Variants in HERC2 observed in about 807,000 individuals in gnomAD.
HERC2 encodes the protein E3 ubiquitin-protein ligase HERC2.
HERC2 carries 102 observed loss-of-function variants against 537.7 expected under a neutral mutation model. That is an observed-to-expected ratio of 0.19 (90% CI 0.16 to 0.22). The LOEUF is 0.22. Among genes scored for constraint, HERC2 ranks in the 10% least tolerant of loss-of-function variants. The pLI is 1.00. For synonymous variants in HERC2, 2,224 were observed against 2,466.2 expected (o/e 0.90, Z 2.91); for missense variants, 4,236 against 6,198.2 (o/e 0.68, Z 10.63).
chr15:28,261,786 C>T (rs774413201), intron 15 of HERC2, among the ~76,000 whole-genome samples: 2 of 152,102 alleles, frequency 1.3e-5, no homozygotes, highest in Non-Finnish European at 2.9e-5. Flanking sequence ...ACCATATGGG[C>T]GCACAAAACT....
chr15:28,294,787 C>G (rs2076416411), intron 3 of HERC2, among the ~76,000 whole-genome samples: 1 of 152,012 alleles, frequency 6.6e-6, no homozygotes, highest in African/African-American at 2.4e-5. Flanking sequence ...TCCCCCACCC[C>G]CAGGGCTGTG....
At chr15:28,157,996 C>T (rs960292367) in intron 69 of HERC2, among the ~76,000 whole-genome samples, 1 of 152,058 alleles carries the variant, frequency 6.6e-6, no homozygotes, top group African/African-American at 2.4e-5. Context: ...GTTATGTACC[C>T]ACTAGTCATT....
In HERC2 at chr15:28,202,544, T is replaced by C. The variant is rs1256611090; in HGVS notation, c.7283A>G (p.Asp2428Gly). ...STHPSSPGFE[D>G]CSSSEATTPV... is the part of the protein sequence containing the mutation. ...CGTGGTGGCCTCACTGGAGCTGCAG[T>C]CTTCAAATCCTGGGCTCGAAGGGTG... Residue 2428 changes from aspartate to glycine, a missense_variant, in exon 46 of 93, where the codon GAC (aspartate) becomes GGC (glycine). By Grantham distance (94) the Asp-to-Gly change is moderately conservative. This residue lies in a region of HERC2 where 35 missense variants were observed against 68.7 expected (regional missense o/e 0.51). Coordinates refer to ENST00000261609, the MANE Select transcript of HERC2 (RefSeq NM_004667.6). 4.3e-6 allele frequency: 4 copies of C among 935,666 alleles called. No homozygotes were observed. In the East Asian group the frequency reaches 7.9e-5, roughly 19 times the overall value. The allele number at this position is 935,666 out of a possible 1,614,324, so 58.0% of individuals were successfully genotyped here.
rs762765814 is a variant in HERC2, at chr15:28,113,105, A to G, written c.14198T>C (p.Ile4733Thr). 6.2e-7 allele frequency: 1 copy of G among 1,613,706 alleles called. No individual in the cohort carries two copies. Among genetic ancestry groups the G allele is most frequent in the Non-Finnish European group, 8.5e-7 (1 of 1,179,996 alleles). Residue 4733 changes from isoleucine to threonine, a missense_variant, in exon 92 of 93, where the codon ATC becomes ACC. Physicochemically the swap from Ile to Thr is moderately conservative, Grantham distance 89. Coordinates refer to ENST00000261609, the MANE Select transcript of HERC2 (RefSeq NM_004667.6). This position sits in a 1 kb window ranked among gnomAD's most constrained non-coding sequence, Gnocchi z 7.0. ...GAAGTCTCGGCCCCGGAAGTCGGCG[A>G]TGGTCCTGGGCAGCCTCGTCCGGCC... ...VWGRTRLPRT[I>T]ADFRGRDFVI...
chr15:28,291,737 C>T (rs193272953), intron 4 of HERC2, among the ~76,000 whole-genome samples: 1 of 151,460 alleles, frequency 6.6e-6, no homozygotes, highest in African/African-American at 2.4e-5. Context: ...AAAACAAAAA[C>T]CTCAATTAAA....
In HERC2 at chr15:28,233,298, G is replaced by A. The variant is rs776790450; in HGVS notation, c.4523C>T (p.Pro1508Leu). The change falls in exon 30 of 93, where the codon CCT (proline) becomes CTT (leucine). Residue 1508 changes from proline (P) to leucine (L), a missense_variant. Physicochemically the swap from Pro to Leu is moderately conservative, Grantham distance 98. Around this residue, in one of 27 missense-constraint regions of HERC2, gnomAD observed 94 missense variants for 174.9 expected, o/e 0.54. Transcript: ENST00000261609. ...GAGGAATCTCAAACGTTCGATGACA[G>A]GAGCGCAGACCTCCTTGTAAGAACG... ...QGRSYKEVCA[P>L]VIERLRFLFN... is the part of the protein sequence containing the mutation. The A allele has an allele frequency of 6.5e-7, 1 of 1,543,364 alleles. No homozygotes were observed. The highest frequency in any genetic ancestry group is 1.7e-5 in the Admixed American group (1 of 59,842).
intron 69 of HERC2, among the ~76,000 whole-genome samples, chr15:28,162,810 G>T (rs1180603203): frequency 6.6e-6 from 1 of 152,206 alleles, no homozygotes; most frequent in African/African-American, 2.4e-5. Context: ...AGAATGGTGT[G>T]AACCCAGGAG....
intron 30 of HERC2, 54 bp downstream of exon 30, chr15:28,233,092 T>C (rs1314550597): frequency 2.9e-6 from 4 of 1,364,926 alleles, no homozygotes; most frequent in Non-Finnish European, 4.1e-6. Flanking sequence ...AGATCCAATG[T>C]GGCAGGGTGA....
Position 28,146,284 on chromosome 15 carries a change from G to A in HERC2, c.10961C>T (p.Pro3654Leu). ...RQCSTERRHD[P>L]LTVMDGVNRI... is the part of the protein sequence containing the mutation. Reference sequence around the variant, plus strand: ...GTTGACGCCGTCCATGACTGTGAGAGGGTCGTGGCGCCTCTCTGTGGAGCA... The same window carrying A: ...GTTGACGCCGTCCATGACTGTGAGAAGGTCGTGGCGCCTCTCTGTGGAGCA... The change falls in exon 71 of 93, where the codon CCT becomes CTT. Residue 3654 changes from proline to leucine, a missense_variant. Physicochemically the swap from Pro to Leu is moderately conservative, Grantham distance 98. This residue lies in a region of HERC2 where 356 missense variants were observed against 450.9 expected (regional missense o/e 0.79). Transcript: ENST00000261609. 4 of 1,614,084 alleles carry A rather than the reference G, an allele frequency of 2.5e-6. No homozygotes were observed. The highest frequency in any genetic ancestry group is 3.4e-6 in the Non-Finnish European group (4 of 1,180,014).
Position 28,265,430 on chromosome 15 carries a change from C to T in HERC2, c.1870+188G>A, listed in dbSNP as rs1434959773. 6.6e-6 allele frequency among the ~76,000 whole-genome samples: 1 copy of T among 152,174 alleles called. No individual in the cohort carries two copies. Among genetic ancestry groups the T allele is most frequent in the Non-Finnish European group, 1.5e-5 (1 of 68,030 alleles). ...AGGAACGGCGGCAGCTGCTAACCAG[C>T]TGAGAGGCCTCAGGCAAACAAGCCC... On this transcript the variant is annotated intron_variant, in intron 14 of 92. Transcript: ENST00000261609. The surrounding 1 kb of genome is among the most constrained non-coding windows in gnomAD (Gnocchi z 4.0).
rs879821625 is a variant in HERC2 at position 28,122,520 on chromosome 15, T to C, written c.13189-1091A>G. Among the ~76,000 whole-genome samples the C allele has an allele frequency of 1.3e-5, 2 of 152,126 alleles. No homozygotes were observed. Among genetic ancestry groups the C allele is most frequent in the East Asian group, 1.9e-4 (1 of 5,164 alleles). ...GTATCCTGGCGGCACCCCAGCCCCATGCCTCTCGCACAGCCCAGACTCATC... is the reference window on the plus strand; with the variant it reads ...GTATCCTGGCGGCACCCCAGCCCCACGCCTCTCGCACAGCCCAGACTCATC... On this transcript the variant is annotated intron_variant, in intron 85 of 92. Transcript: ENST00000261609. The surrounding 1 kb of genome is among the most constrained non-coding windows in gnomAD (Gnocchi z 4.1).
chr15:28,290,713 G>A (rs997978554), intron 4 of HERC2, among the ~76,000 whole-genome samples: 9 of 152,126 alleles, frequency 5.9e-5, no homozygotes, highest in East Asian at 1.9e-4. Flanking sequence ...AATAATAAGC[G>A]GGTAAAAGAA....
Position 28,257,185 on chromosome 15 carries a change from G to C in HERC2, c.2393C>G (p.Thr798Ser). ...AAGCAGGAGATCCAGCTGCTCAAAA[G>C]TCATTGAGCAGATGTCCACCACAAA... ...VPFVVDICSMTFEQLDLLLRQ... is the reference protein window; with the variant it reads ...VPFVVDICSMSFEQLDLLLRQ... The change falls in exon 17 of 93, where the codon ACT (threonine) becomes AGT (serine). Residue 798 changes from threonine (T) to serine (S), a missense_variant. Physicochemically the swap from Thr to Ser is moderately conservative, Grantham distance 58. This residue lies in a region of HERC2 where 754 missense variants were observed against 1,085.0 expected (regional missense o/e 0.69). Transcript: ENST00000261609. The C allele has an allele frequency of 6.2e-7, 1 of 1,613,770 alleles. No individual in the cohort carries two copies. Among genetic ancestry groups the C allele is most frequent in the Non-Finnish European group, 8.5e-7 (1 of 1,179,724 alleles).
chr15:28,111,565 C>T lies in HERC2; in HGVS notation c.*198G>A, dbSNP rs182874358. ...GAGAAGACCCTTGGAAGTCGAGCGT[C>T]CACAGTGTTCCACGCGCACAGGCGG... On this transcript the variant is annotated 3_prime_UTR_variant, in exon 93 of 93. Coordinates refer to ENST00000261609, the MANE Select transcript of HERC2 (RefSeq NM_004667.6). The T allele has an allele frequency of 1.7e-6, 1 of 603,224 alleles. No homozygotes were observed. Among genetic ancestry groups the T allele is most frequent in the Admixed American group, 3.0e-5 (1 of 33,132 alleles). 37.4% of individuals were successfully genotyped at this position (603,224 alleles called of 1,614,324 possible). A position where few individuals can be genotyped will look rare whatever the true frequency, so the allele number is the denominator to read the frequency against.
At chr15:28,136,986 C>A (rs1282806789) in intron 78 of HERC2, among the ~76,000 whole-genome samples, 2 of 150,912 alleles carry the variant, frequency 1.3e-5, no homozygotes. Flanking sequence ...CAAAGATGTG[C>A]AACATTTAGC....
Position 28,280,360 on chromosome 15 carries a change from G to A in HERC2, c.323-73C>T, listed in dbSNP as rs2075990400. 1.9e-5 allele frequency: 24 copies of A among 1,234,156 alleles called. No homozygotes were observed. In the South Asian group the frequency reaches 3.2e-4, roughly 17 times the overall value. 76.5% of individuals were successfully genotyped at this position (1,234,156 alleles called of 1,614,324 possible). On this transcript the variant is annotated intron_variant, in intron 4 of 92. Coordinates refer to ENST00000261609, the MANE Select transcript of HERC2 (RefSeq NM_004667.6). ...CAGTTTGTTGCAATGTTGAGAAAAT[G>A]GATGATGACGACAGGTAGTACTCGA... is the stretch of plus-strand genomic sequence containing the variant.
At position 28,185,408 on chromosome 15, in the gene HERC2, G is replaced by A. The variant is rs185933810; in HGVS notation, c.8825+1169C>T. Among the ~76,000 whole-genome samples, 230 of 152,284 alleles carry A rather than the reference G, an allele frequency of 1.5e-3. 1 individual carries two copies. The highest frequency in any genetic ancestry group is 2.4e-3 in the Admixed American group (37 of 15,300). ...ACACTAGCAATCCAAAGCGCCTTGGGAATGTTAACAACATATCCATTTATT... is the reference window on the plus strand; with the variant it reads ...ACACTAGCAATCCAAAGCGCCTTGGAAATGTTAACAACATATCCATTTATT... On this transcript the variant is annotated intron_variant, in intron 56 of 92. Transcript: ENST00000261609.
At chr15:28,287,528 G>T (rs2076188570) in intron 4 of HERC2, among the ~76,000 whole-genome samples, 1 of 152,036 alleles carries the variant, frequency 6.6e-6, no homozygotes, top group African/African-American at 2.4e-5. Flanking sequence ...ACCTAGGTGA[G>T]GGGAAACAAG....
intron 12 of HERC2, among the ~76,000 whole-genome samples, chr15:28,266,749 G>A (rs1291350227): frequency 3.3e-5 from 5 of 152,158 alleles, no homozygotes; most frequent in Non-Finnish European, 2.9e-5. Context: ...ATCAGAGGTT[G>A]TCAGGAACTG....
Sources: gnomAD v4.1 joint callset for allele counts (sites outside exome capture counted in the v4.1 genomes callset) on GRCh38, gnomAD v4.1.1 for gene constraint, gnomAD v4.1.1 regional missense constraint, Gnocchi (gnomAD v3.1) non-coding constraint, MANE v1.5 for transcripts, NCBI Gene and HGNC (gene_info 2026-07-23, HGNC 2026-07-21) for gene names.